Variants in CALN1 observed in about 807,000 individuals in gnomAD.
The protein encoded by CALN1 is calcium-binding protein 8.
A neutral mutation model predicts 30.6 loss-of-function variants in CALN1; 17 were observed. The ratio of observed to expected loss-of-function variants is 0.56; its 90% CI spans 0.38 to 0.83. The LOEUF (loss-of-function observed/expected upper bound fraction) is 0.83, where lower values mean the gene tolerates loss of function less well. Ranked by LOEUF, CALN1 falls within the 40% of genes least tolerant of loss-of-function variation. The probability of loss-of-function intolerance (pLI) is 0.00; values close to 1 mark genes in which losing one functional copy is unlikely to be tolerated. For synonymous variants in CALN1, 156 were observed against 131.4 expected (o/e 1.19, Z -1.28); for missense variants, 291 against 354.9 (o/e 0.82, Z 1.45).
intron 4 of CALN1, among the ~76,000 whole-genome samples, chr7:72,076,718 G>GAGA (rs1804771397): frequency 7.3e-6 from 1 of 137,468 alleles, no homozygotes; most frequent in Admixed American, 7.8e-5. Context: ...GTAGTGGGCA[G>GAGA]CCACTCCTCA....
intron 6 of CALN1, among the ~76,000 whole-genome samples, chr7:71,793,018 A>G (rs539213496): frequency 1.1e-3 from 173 of 152,112 alleles, no homozygotes; most frequent in Middle Eastern, 3.4e-3. Context: ...AGCAGAGAGG[A>G]GCAGAGCCGG....
intron 2 of CALN1, among the ~76,000 whole-genome samples, chr7:72,317,104 A>C (rs532998465): frequency 2.5e-5 from 1 of 39,744 alleles, no homozygotes; most frequent in African/African-American, 1.4e-4. Flanking sequence ...GGGAGGGAGG[A>C]AGGGAGGGAG....
At chr7:71,840,082 GT>G (rs1327350136) in intron 5 of CALN1, among the ~76,000 whole-genome samples, 3 of 152,150 alleles carry the variant, frequency 2.0e-5, no homozygotes, top group African/African-American at 7.2e-5. Context: ...CTCTGTTTTT[GT>G]TTTCTGAGAT....
At chr7:71,799,553 C>T (rs1432239833) in intron 6 of CALN1, among the ~76,000 whole-genome samples, 2 of 152,058 alleles carry the variant, frequency 1.3e-5, no homozygotes, top group Non-Finnish European at 2.9e-5. Context: ...GCAACCTCCA[C>T]CTCCTGGATT....
chr7:72,375,344 C>T lies in CALN1; in HGVS notation c.119+27907G>A, dbSNP rs150418097. Reference sequence around the variant, plus strand: ...TTGGGAGGCCAAAGCAGGAAGATTGCTTGAGCCCAGGAGTTTGAGAACAGC... The same window carrying T: ...TTGGGAGGCCAAAGCAGGAAGATTGTTTGAGCCCAGGAGTTTGAGAACAGC... On this transcript the variant is annotated intron_variant, in intron 2 of 6. Coordinates refer to ENST00000395275, the MANE Select transcript of CALN1 (RefSeq NM_031468.4). Among the ~76,000 whole-genome samples the T allele has an allele frequency of 6.8e-3, 1,038 of 152,182 alleles. 14 individuals carry two copies. The highest frequency in any genetic ancestry group is 0.024 in the African/African-American group (995 of 41,532).
chr7:71,941,407 C>T (rs10271976), intron 5 of CALN1, among the ~76,000 whole-genome samples: 117,621 of 151,442 alleles, frequency 0.78, 45,813 homozygotes, highest in South Asian at 0.83. Context: ...AGTTAACTGA[C>T]GGGGGGAAGA....
chr7:72,181,183 T>A (rs1297587314), intron 3 of CALN1, among the ~76,000 whole-genome samples: 1 of 146,620 alleles, frequency 6.8e-6, no homozygotes, highest in Non-Finnish European at 1.5e-5. Flanking sequence ...GAAGTAAGTC[T>A]ATATATGTAT....
chr7:71,955,236 C>T (rs1271743696), intron 5 of CALN1, among the ~76,000 whole-genome samples: 1 of 152,054 alleles, frequency 6.6e-6, no homozygotes, highest in Non-Finnish European at 1.5e-5. Flanking sequence ...TATTCACTAC[C>T]ACGAGAACAG....
At chr7:72,345,995 G>A (rs898653322) in intron 2 of CALN1, among the ~76,000 whole-genome samples, 6 of 151,940 alleles carry the variant, frequency 3.9e-5, no homozygotes, top group African/African-American at 1.5e-4. Context: ...ATCAAACATA[G>A]GAAATTCAGA....
intron 2 of CALN1, among the ~76,000 whole-genome samples, chr7:72,355,651 G>C (rs1436515429): frequency 6.6e-6 from 1 of 152,090 alleles, no homozygotes; most frequent in Non-Finnish European, 1.5e-5. Context: ...TTGGTAAAAT[G>C]AATAGACAAG....
intron 2 of CALN1, among the ~76,000 whole-genome samples, chr7:72,349,741 T>C (rs1231263279): frequency 1.3e-5 from 2 of 152,232 alleles, no homozygotes; most frequent in Admixed American, 1.3e-4. Flanking sequence ...ATGTCTTCTT[T>C]TGAAAACTGC....
At chr7:72,005,762 A>T (rs1173049902) in intron 5 of CALN1, among the ~76,000 whole-genome samples, 2 of 151,862 alleles carry the variant, frequency 1.3e-5, no homozygotes, top group Non-Finnish European at 2.9e-5. Context: ...AAAATTTTAG[A>T]CTTTTTAGAA....
At chr7:72,353,053 A>G (rs1394039939) in intron 2 of CALN1, among the ~76,000 whole-genome samples, 1 of 152,206 alleles carries the variant, frequency 6.6e-6, no homozygotes, top group Non-Finnish European at 1.5e-5. Flanking sequence ...GATATAAAAA[A>G]TCTGAATATT....
intron 2 of CALN1, among the ~76,000 whole-genome samples, chr7:72,318,404 A>G (rs1800635032): frequency 6.6e-6 from 1 of 152,194 alleles, no homozygotes; most frequent in African/African-American, 2.4e-5. Context: ...CAAGGGACAG[A>G]AGATCAGGAT....
At chr7:72,204,778 T>A (rs994208414) in intron 3 of CALN1, among the ~76,000 whole-genome samples, 1 of 152,172 alleles carries the variant, frequency 6.6e-6, no homozygotes, top group East Asian at 1.9e-4. Flanking sequence ...TTGTTTCCAG[T>A]TCTTTGCTAC....
At chr7:72,276,947 G>C (rs1797373782) in intron 3 of CALN1, among the ~76,000 whole-genome samples, 1 of 152,240 alleles carries the variant, frequency 6.6e-6, no homozygotes, top group African/African-American at 2.4e-5. Context: ...AGCAAGAAAA[G>C]TGACATCTAT....
chr7:71,931,508 C>T (rs112240775), intron 5 of CALN1, among the ~76,000 whole-genome samples: 2 of 151,946 alleles, frequency 1.3e-5, no homozygotes, highest in African/African-American at 4.8e-5. Context: ...CTCAAGTGAT[C>T]GGCCTACTTT....
At chr7:72,085,723 A>G (rs7797796) in intron 4 of CALN1, among the ~76,000 whole-genome samples, 35,130 of 152,206 alleles carry the variant, frequency 0.23, 4,101 homozygotes, top group Admixed American at 0.29. Context: ...ATAATTGTCA[A>G]AATTCATCAA....
At position 72,213,738 on chromosome 7, in the gene CALN1, T is replaced by G. The variant is rs1375568539; in HGVS notation, c.244+64948A>C. Among the ~76,000 whole-genome samples the G allele has an allele frequency of 2.0e-5, 3 of 152,146 alleles. No homozygotes were observed. In the South Asian group the frequency reaches 6.2e-4, roughly 32 times the overall value. On this transcript the variant is annotated intron_variant, in intron 3 of 6. Transcript: ENST00000395275. ...TGCCACAAGGCTCTGTGACCAGCTG[T>G]GTCTACTCAGCAATGCACTCCACTC... is the stretch of plus-strand genomic sequence containing the variant.
Sources: allele counts gnomAD v4.1 joint callset (sites outside exome capture counted in the v4.1 genomes callset), GRCh38; gene constraint gnomAD v4.1.1; transcripts MANE v1.5; gene names NCBI Gene and HGNC (gene_info 2026-07-23, HGNC 2026-07-21).